CAPN15: variants seen among roughly 807,000 people sequenced by gnomAD.
CAPN15 encodes calpain 15.
Under a neutral mutation model 97.9 loss-of-function variants are expected in CAPN15, and 53 were observed. The observed-to-expected ratio is 0.54, with a 90% confidence interval of 0.43 to 0.68. CAPN15 has a LOEUF of 0.68. Ranked by LOEUF, CAPN15 falls within the 30% of genes least tolerant of loss-of-function variation. The pLI is 0.00. For synonymous variants in CAPN15, 922 were observed against 722.5 expected (o/e 1.28, Z -4.43); for missense variants, 1,592 against 1,589.8 (o/e 1.00, Z -0.02).
rs370652813 is a variant in CAPN15, at chr16:552,232, A to T, written c.2507+20A>T. The T allele has an allele frequency of 6.5e-7, 1 of 1,532,220 alleles. No individual in the cohort carries two copies. Among genetic ancestry groups the T allele is most frequent in the East Asian group, 2.5e-5 (1 of 40,702 alleles). The allele number at this position is 1,532,220 out of a possible 1,614,324, so 94.9% of individuals were successfully genotyped here. A position where few individuals can be genotyped will look rare whatever the true frequency, so the allele number is the denominator to read the frequency against. ...CAGCAGGTGGGTGCTGCGGGGCCCC[A>T]TCGGGCTGGGCTGGGCTAGGCTGGC... On this transcript the variant is annotated intron_variant, in intron 10 of 13. Coordinates refer to ENST00000219611, the MANE Select transcript of CAPN15 (RefSeq NM_005632.3). The surrounding 1 kb of genome is among the most constrained non-coding windows in gnomAD (Gnocchi z 6.4).
rs762591923 is a variant in CAPN15, at chr16:546,808, C to T, written c.-22-9C>T. 19 of 1,570,798 alleles carry T rather than the reference C, an allele frequency of 1.2e-5. No individual in the cohort carries two copies. In the South Asian group the frequency reaches 2.1e-4, roughly 18 times the overall value. On this transcript the variant is annotated splice_polypyrimidine_tract_variant and intron_variant, in intron 3 of 13. Coordinates refer to ENST00000219611, the MANE Select transcript of CAPN15 (RefSeq NM_005632.3). ...ACAGGGTGGCCCTGATGAGCACCTT[C>T]CCTTGCAGCCACACCCACTCGCCCG...
At position 551,224 on chromosome 16, in the gene CAPN15, G is replaced by A. The variant is rs1251390206; in HGVS notation, c.2067-78G>A. The A allele has an allele frequency of 1.7e-4, 230 of 1,331,310 alleles. 13 individuals are homozygous for A. In the African/African-American group the frequency reaches 2.9e-3, roughly 17 times the overall value. 82.5% of individuals were successfully genotyped at this position (1,331,310 alleles called of 1,614,324 possible). A position where few individuals can be genotyped will look rare whatever the true frequency, so the allele number is the denominator to read the frequency against. On this transcript the variant is annotated intron_variant, in intron 7 of 13. Coordinates refer to ENST00000219611, the MANE Select transcript of CAPN15 (RefSeq NM_005632.3). ...AGGGTCCCCAGTCGGTGAGGGTCCC[G>A]GTCAGTGAGGGTCCCCGGTCGGTGA... is the stretch of plus-strand genomic sequence containing the variant.
Position 533,938 on chromosome 16 carries a change from C to T in CAPN15, c.-189-8C>T, listed in dbSNP as rs1455430390. 2.0e-6 allele frequency: 2 copies of T among 985,142 alleles called. No homozygotes were observed. The highest frequency in any genetic ancestry group is 2.4e-6 in the Non-Finnish European group (2 of 829,766). The allele number at this position is 985,142 out of a possible 1,614,324, so 61.0% of individuals were successfully genotyped here. ...CTGAGGTGCCTGATTAAATGCCTCC[C>T]TTTCTAGGCAGCAGCCCAGACGCGG... On this transcript the variant is annotated splice_polypyrimidine_tract_variant and splice_region_variant and intron_variant, in intron 1 of 13. Coordinates refer to ENST00000219611, the MANE Select transcript of CAPN15 (RefSeq NM_005632.3).
At chr16:533,509 G>A (rs780486488) in intron 1 of CAPN15, among the ~76,000 whole-genome samples, 68 of 152,192 alleles carry the variant, frequency 4.5e-4, no homozygotes, top group Non-Finnish European at 9.0e-4. Flanking sequence ...CCCAAGCTGG[G>A]CACCTTTCCC....
intron 3 of CAPN15, chr16:540,048 TTCTC>T (rs963139009): frequency 7.9e-5 from 77 of 980,408 alleles, no homozygotes; most frequent in Admixed American, 4.3e-4. Flanking sequence ...CTTCTCTATT[TTCTC>T]TCTCTGTCTG....
chr16:552,785 C>T lies in CAPN15; in HGVS notation c.2904+14C>T, dbSNP rs372464550. 6.5e-7 allele frequency: 1 copy of T among 1,527,030 alleles called. No individual in the cohort carries two copies. The highest frequency in any genetic ancestry group is 8.8e-7 in the Non-Finnish European group (1 of 1,133,756). The allele number at this position is 1,527,030 out of a possible 1,614,324, so 94.6% of individuals were successfully genotyped here. On this transcript the variant is annotated intron_variant, in intron 12 of 13. Coordinates refer to ENST00000219611, the MANE Select transcript of CAPN15 (RefSeq NM_005632.3). The surrounding 1 kb of genome is among the most constrained non-coding windows in gnomAD (Gnocchi z 6.4). ...GAGCGGCACGAGGTGGGTGGGGGTC[C>T]CGGGGGAGGGTGGCGTGGGGCAGGG...
chr16:548,878 G>A (rs1016661227), intron 4 of CAPN15, 115 bp from the exon 5 acceptor site: 19 of 958,836 alleles, frequency 2.0e-5, no homozygotes, highest in South Asian at 1.1e-4. Flanking sequence ...CGCTCCACCC[G>A]TCCCTTTGGG....
At chr16:544,727 CCACG>C (rs2034426976) in intron 3 of CAPN15, among the ~76,000 whole-genome samples, 2 of 109,426 alleles carry the variant, frequency 1.8e-5, no homozygotes, top group Admixed American at 8.8e-5. Context: ...GTCGCCTCCC[CCACG>C]TCGCCTCCCC....
rs993620136 is a variant in CAPN15 at position 544,683 on chromosome 16, C to T, written c.-22-2134C>T. Among the ~76,000 whole-genome samples the T allele has an allele frequency of 3.9e-4, 59 of 150,168 alleles. 1 individual carries two copies. The highest frequency in any genetic ancestry group is 1.4e-3 in the African/African-American group (56 of 40,554). On this transcript the variant is annotated intron_variant, in intron 3 of 13. Transcript: ENST00000219611. The stretch of plus-strand genomic sequence containing the variant: ...AGCTTGGCCTCTGTGCAGTAAGGAG[C>T]GGCCCGTCGCCTCCCCCACGTCGCC...
chr16:549,263 GAGGTC>G lies in CAPN15; in HGVS notation c.1659-23_1659-19del. The G allele has an allele frequency of 6.4e-7, 1 of 1,565,222 alleles. No individual in the cohort carries two copies. Among genetic ancestry groups the G allele is most frequent in the Non-Finnish European group, 8.6e-7 (1 of 1,161,496 alleles). On this transcript the variant is annotated intron_variant, in intron 5 of 13. Transcript: ENST00000219611. ...GCGGGCGACCGGCCGCGGTCCCCGC[GAGGTC>G]ACCCTGAGGCTCTGCGCAGGTTCCT...
chr16:547,578 G>A lies in CAPN15; in HGVS notation c.740G>A (p.Ser247Asn). Residue 247 changes from serine to asparagine, a missense_variant, in exon 4 of 14, where the codon AGC (serine) becomes AAC (asparagine). Physicochemically the swap from Ser to Asn is conservative, Grantham distance 46. Coordinates refer to ENST00000219611, the MANE Select transcript of CAPN15 (RefSeq NM_005632.3). ...STLQNNPVPR[S>N]RREVPPQLQP... ...CTGCAGAACAACCCCGTGCCGCGCA[G>A]CCGACGCGAGGTTCCCCCCCAGCTG... 2.5e-6 allele frequency: 4 copies of A among 1,581,360 alleles called. No homozygotes were observed. The highest frequency in any genetic ancestry group is 3.4e-6 in the Non-Finnish European group (4 of 1,166,702).
chr16:546,075 G>C (rs975416661), intron 3 of CAPN15, among the ~76,000 whole-genome samples: 3 of 152,188 alleles, frequency 2.0e-5, no homozygotes, highest in Non-Finnish European at 4.4e-5. Context: ...GCCTCGCCGG[G>C]CCCAGTCCAC....
intron 1 of CAPN15, among the ~76,000 whole-genome samples, chr16:533,124 GGCAGGAGA>G (rs1168838094): frequency 6.6e-6 from 1 of 152,140 alleles, no homozygotes; most frequent in African/African-American, 2.4e-5. Flanking sequence ...GGGAGGCTGA[GGCAGGAGA>G]ATAGCTTGAA....
Position 554,029 on chromosome 16 carries a change from G to A in CAPN15, c.*513G>A, listed in dbSNP as rs924135226. On this transcript the variant is annotated 3_prime_UTR_variant, in exon 14 of 14. Transcript: ENST00000219611. ...GCCCTGGTGTGGAGCGGCGAGTCCC[G>A]GGGCGGTGCCTGTCTCAGAAGAAGG... is the stretch of plus-strand genomic sequence containing the variant. The A allele has an allele frequency of 1.3e-4, 23 of 178,028 alleles. No individual in the cohort carries two copies. Among genetic ancestry groups the A allele is most frequent in the African/African-American group, 2.9e-4 (12 of 42,002 alleles). The allele number at this position is 178,028 out of a possible 1,614,324, so 11.0% of individuals were successfully genotyped here. A position where few individuals can be genotyped will look rare whatever the true frequency, so the allele number is the denominator to read the frequency against.
chr16:551,023 G>GC (rs2035010537), intron 7 of CAPN15, among the ~76,000 whole-genome samples: 1 of 125,644 alleles, frequency 8.0e-6, no homozygotes, highest in African/African-American at 3.4e-5. Context: ...GTCGGTGAGG[G>GC]CCCCGGTCGG....
At chr16:534,628 G>A (rs1488862775) in intron 2 of CAPN15, among the ~76,000 whole-genome samples, 3 of 152,214 alleles carry the variant, frequency 2.0e-5, no homozygotes, top group South Asian at 2.1e-4. Context: ...CTGTCTTCAG[G>A]TTGTGGGCAC....
chr16:529,565 G>GA (rs1218483664), intron 1 of CAPN15, among the ~76,000 whole-genome samples: 2 of 152,342 alleles, frequency 1.3e-5, no homozygotes, highest in East Asian at 1.9e-4. Flanking sequence ...CTGCTGCCCG[G>GA]AAAATCCTCC....
rs1358421979 is a variant in CAPN15 at position 549,453 on chromosome 16, C to T, written c.1824C>T (p.Gly608=). The change falls in exon 6 of 14, where the codon GGC becomes GGT. Residue 608 remains glycine, a synonymous_variant. Transcript: ENST00000219611. The stretch of plus-strand genomic sequence containing the variant: ...ACATGCTGCCCTGTGATGAGGCCGG[C>T]TGCCTCCTCTTCTCACAGGTGGGGC... ...VDDMLPCDEA[G]CLLFSQAQRK... The T allele has an allele frequency of 1.9e-6, 3 of 1,594,852 alleles. No homozygotes were observed. The highest frequency in any genetic ancestry group is 2.5e-6 in the Non-Finnish European group (3 of 1,176,918).
chr16:535,667 A>G lies in CAPN15; in HGVS notation c.-136-362A>G, dbSNP rs894578028. ...CGCACCCTGCCCCTCCAGGGAGCCC[A>G]GAGGCGGGCGTGGCTGCAGCCTGGC... On this transcript the variant is annotated intron_variant, in intron 2 of 13. Coordinates refer to ENST00000219611, the MANE Select transcript of CAPN15 (RefSeq NM_005632.3). The surrounding 1 kb of genome is among the most constrained non-coding windows in gnomAD (Gnocchi z 6.2). Among the ~76,000 whole-genome samples, 2 of 152,256 alleles carry G rather than the reference A, an allele frequency of 1.3e-5. No individual in the cohort carries two copies. Among genetic ancestry groups the G allele is most frequent in the Admixed American group, 1.3e-4 (2 of 15,302 alleles).
Sources: gnomAD v4.1 joint callset for allele counts (sites outside exome capture counted in the v4.1 genomes callset) on GRCh38, gnomAD v4.1.1 for gene constraint, Gnocchi (gnomAD v3.1) non-coding constraint, MANE v1.5 for transcripts, NCBI Gene and HGNC (gene_info 2026-07-23, HGNC 2026-07-21) for gene names.